Variants in GALNT14 observed in about 807,000 individuals in gnomAD.
The protein encoded by GALNT14 is UDP-GalNAc:polypeptide N-acetylgalactosaminyltransferase 14.
In GALNT14, 60 loss-of-function variants were observed where a neutral mutation model predicts 77.5. That is an observed-to-expected ratio of 0.77 (90% confidence interval 0.63 to 0.96). GALNT14 has a LOEUF of 0.96. Ranked by LOEUF, GALNT14 falls within the 40% of genes least tolerant of loss-of-function variation. The pLI, the probability that GALNT14 is intolerant of heterozygous loss-of-function variation, is 0.00. For missense variants in GALNT14, 710 were observed against 731.0 expected (o/e 0.97, Z 0.33); for synonymous variants, 280 against 281.7 (o/e 0.99, Z 0.06).
At chr2:31,060,783 A>G (rs1316764023) in intron 1 of GALNT14, among the ~76,000 whole-genome samples, 1 of 152,174 alleles carries the variant, frequency 6.6e-6, no homozygotes, top group African/African-American at 2.4e-5. Context: ...AAGACAGCCA[A>G]TTCTGCAGAA....
At chr2:31,054,480 C>A (rs535749207) in intron 1 of GALNT14, among the ~76,000 whole-genome samples, 1 of 152,302 alleles carries the variant, frequency 6.6e-6, no homozygotes, top group African/African-American at 2.4e-5. Context: ...GTTTGTTCAT[C>A]TGTCCTCCAC....
chr2:31,028,338 T>C lies in GALNT14; in HGVS notation c.130-35331A>G, dbSNP rs116429281. On this transcript the variant is annotated intron_variant, in intron 1 of 14. Transcript: ENST00000349752. ...GGCAGGAGCTGCTACTCAACCCAGA[T>C]CTCCCTCCTCCTCCCACCATGGCGG... is the stretch of plus-strand genomic sequence containing the variant. Among the ~76,000 whole-genome samples the C allele has an allele frequency of 4.7e-3, 713 of 152,176 alleles. 2 individuals are homozygous for C. Among genetic ancestry groups the C allele is most frequent in the African/African-American group, 0.017 (691 of 41,504 alleles).
intron 1 of GALNT14, among the ~76,000 whole-genome samples, chr2:31,086,751 G>T (rs1676449514): frequency 6.6e-6 from 1 of 152,118 alleles, no homozygotes; most frequent in Non-Finnish European, 1.5e-5. Flanking sequence ...CCTAAGGAAT[G>T]GTTGGTGCAC....
intron 1 of GALNT14, among the ~76,000 whole-genome samples, chr2:31,015,053 G>A (rs1247625645): frequency 6.6e-6 from 1 of 152,138 alleles, no homozygotes; most frequent in Non-Finnish European, 1.5e-5. Context: ...ACTTTGGGAG[G>A]CTGAGGTGGG....
chr2:30,899,870 G>A, the GALNT14 span, among the ~76,000 whole-genome samples: 1 of 152,218 alleles, frequency 6.6e-6, no homozygotes, highest in Non-Finnish European at 1.5e-5. Flanking sequence ...TGCGGGAAAA[G>A]AGGCTCCCAT....
At position 31,101,404 on chromosome 2, in the gene GALNT14, C is replaced by T. The variant is rs955750597; in HGVS notation, c.129+36554G>A. ...TTTGGTAAAAGTTATGCTTGTTTCTCTTCTTTTTCTATGCTCTAGAACAGA... is the reference window on the plus strand; with the variant it reads ...TTTGGTAAAAGTTATGCTTGTTTCTTTTCTTTTTCTATGCTCTAGAACAGA... On this transcript the variant is annotated intron_variant, in intron 1 of 14. Coordinates refer to ENST00000349752, the MANE Select transcript of GALNT14 (RefSeq NM_024572.4). Among the ~76,000 whole-genome samples, 25 of 151,984 alleles carry T rather than the reference C, an allele frequency of 1.6e-4. 1 individual carries two copies. The highest frequency in any genetic ancestry group is 1.4e-3 in the Admixed American group (22 of 15,256).
chr2:30,966,683 G>A (rs958270798), intron 2 of GALNT14, among the ~76,000 whole-genome samples: 2 of 152,134 alleles, frequency 1.3e-5, no homozygotes, highest in Non-Finnish European at 2.9e-5. Flanking sequence ...CAGCCCATCT[G>A]CCCACACCAC....
intron 9 of GALNT14, among the ~76,000 whole-genome samples, chr2:30,938,738 C>A (rs1343109677): frequency 1.3e-5 from 2 of 152,202 alleles, no homozygotes; most frequent in Non-Finnish European, 2.9e-5. Flanking sequence ...CCCATGAAAA[C>A]CAAGATGGGG....
At position 31,116,914 on chromosome 2, in the gene GALNT14, G is replaced by A. The variant is rs141631473; in HGVS notation, c.129+21044C>T. 3.5e-3 allele frequency among the ~76,000 whole-genome samples: 529 copies of A among 152,188 alleles called. 2 individuals are homozygous for A. The highest frequency in any genetic ancestry group is 4.4e-3 in the Non-Finnish European group (296 of 68,008). On this transcript the variant is annotated intron_variant, in intron 1 of 14. Coordinates refer to ENST00000349752, the MANE Select transcript of GALNT14 (RefSeq NM_024572.4). ...TTAGCCAGGTGTGGGGCGCATGCCT[G>A]TAATCCCAGCTACCTGGGAGGCTGA... is the stretch of plus-strand genomic sequence containing the variant.
intron 1 of GALNT14, among the ~76,000 whole-genome samples, chr2:31,017,589 G>A (rs1671455874): frequency 1.3e-5 from 2 of 152,112 alleles, no homozygotes; most frequent in African/African-American, 4.8e-5. Context: ...TCAGACAGGA[G>A]CAAAATCTGT....
At chr2:31,050,725 T>C (rs991015775) in intron 1 of GALNT14, among the ~76,000 whole-genome samples, 2 of 152,036 alleles carry the variant, frequency 1.3e-5, no homozygotes, top group Non-Finnish European at 1.5e-5. Context: ...CCTAGTCTCT[T>C]TATAACGTCT....
intron 1 of GALNT14, among the ~76,000 whole-genome samples, chr2:31,061,309 TTC>T (rs1674575553): frequency 6.6e-6 from 1 of 152,158 alleles, no homozygotes; most frequent in South Asian, 2.1e-4. Flanking sequence ...CTTCCTTAAT[TTC>T]TCTTTCTCGA....
chr2:31,013,137 G>T (rs1034743684), intron 1 of GALNT14, among the ~76,000 whole-genome samples: 1 of 152,154 alleles, frequency 6.6e-6, no homozygotes, highest in Non-Finnish European at 1.5e-5. Context: ...AGAGGAGAAA[G>T]ATTTAAATTA....
Position 31,022,245 on chromosome 2 carries a change from C to T in GALNT14, c.130-29238G>A, listed in dbSNP as rs1013094867. 3.3e-5 allele frequency among the ~76,000 whole-genome samples: 5 copies of T among 152,336 alleles called. No individual in the cohort carries two copies. In the East Asian group the frequency reaches 7.7e-4, roughly 23 times the overall value. On this transcript the variant is annotated intron_variant, in intron 1 of 14. Transcript: ENST00000349752. ...TTGATTTTCTCAGAAGAAATAATGACAGGCAGATCAAAGCCTGCCTCCTTT... is the reference window on the plus strand; with the variant it reads ...TTGATTTTCTCAGAAGAAATAATGATAGGCAGATCAAAGCCTGCCTCCTTT...
At chr2:30,972,408 C>T (rs1437605921) in intron 2 of GALNT14, among the ~76,000 whole-genome samples, 1 of 152,224 alleles carries the variant, frequency 6.6e-6, no homozygotes, top group African/African-American at 2.4e-5. Context: ...TCCCGGTTTA[C>T]AGTGATGACG....
intron 1 of GALNT14, among the ~76,000 whole-genome samples, chr2:31,008,067 C>A (rs1441103486): frequency 6.6e-6 from 1 of 152,100 alleles, no homozygotes; most frequent in Non-Finnish European, 1.5e-5. Context: ...ATGGGATGAA[C>A]CCCAACCCTC....
chr2:30,972,394 G>C (rs758127738), intron 2 of GALNT14, among the ~76,000 whole-genome samples: 11 of 152,228 alleles, frequency 7.2e-5, no homozygotes, highest in Non-Finnish European at 1.2e-4. Context: ...TCGCTGCTTG[G>C]AGCTCCCGGT....
Position 30,924,163 on chromosome 2 carries a change from A to T in GALNT14, c.1336T>A (p.Leu446Met). The change falls in exon 13 of 15, where the codon TTG becomes ATG. Residue 446 changes from leucine (L) to methionine (M), a missense_variant. Physicochemically the swap from Leu to Met is conservative, Grantham distance 15 (BLOSUM62 2). Coordinates refer to ENST00000349752, the MANE Select transcript of GALNT14 (RefSeq NM_024572.4). ...CCTTTGACCTTGGCACAGGGGCTCAACTTTAGGTTTGGGGTTTCTTGGTTG... is the reference window on the plus strand; with the variant it reads ...CCTTTGACCTTGGCACAGGGGCTCATCTTTAGGTTTGGGGTTTCTTGGTTG... ...QNNQETPNLK[L>M]SPCAKVKGED... The T allele has an allele frequency of 1.2e-6, 2 of 1,614,192 alleles. 1 individual carries two copies. Among genetic ancestry groups the T allele is most frequent in the South Asian group, 2.2e-5 (2 of 91,086 alleles).
At chr2:30,932,421 A>C (rs1244843607) in intron 9 of GALNT14, among the ~76,000 whole-genome samples, 2 of 152,178 alleles carry the variant, frequency 1.3e-5, no homozygotes, top group Non-Finnish European at 2.9e-5. Flanking sequence ...GTGCAAACCA[A>C]CACGCTGGCC....
Sources: gnomAD v4.1 joint callset for allele counts (sites outside exome capture counted in the v4.1 genomes callset) on GRCh38, gnomAD v4.1.1 for gene constraint, MANE v1.5 for transcripts, NCBI Gene and HGNC (gene_info 2026-07-23, HGNC 2026-07-21) for gene names.